The following ST7L variants were observed in gnomAD, a reference collection of about 807,000 sequenced individuals.
The protein encoded by ST7L is suppressor of tumorigenicity 7 protein-like.
A neutral mutation model predicts 72.5 loss-of-function variants in ST7L; 57 were observed. The ratio of observed to expected loss-of-function variants is 0.79; its 90% CI spans 0.64 to 0.98. The LOEUF is 0.98. Ranked by LOEUF, ST7L falls within the 50% of genes least tolerant of loss-of-function variation. The pLI is 0.00. For missense variants in ST7L, 576 were observed against 672.2 expected, an observed-to-expected ratio of 0.86 and a Z score of 1.58; for synonymous variants, 221 against 240.9, an observed-to-expected ratio of 0.92 and a Z score of 0.77.
At chr1:112,554,124 C>T (rs6537744) in intron 12 of ST7L, among the ~76,000 whole-genome samples, 5 of 151,998 alleles carry the variant, frequency 3.3e-5, no homozygotes, top group African/African-American at 2.4e-5. Context: ...GGAACTGAGG[C>T]GGGTTAACCA....
At chr1:112,540,109 A>G in intron 14 of ST7L, 6 of 985,430 alleles carry the variant, frequency 6.1e-6, no homozygotes, top group Non-Finnish European at 7.2e-6. Flanking sequence ...GTAAAGGCAG[A>G]CACTATAAAC....
At chr1:112,604,758 T>A (rs1401069932) in intron 3 of ST7L, among the ~76,000 whole-genome samples, 1 of 110,676 alleles carries the variant, frequency 9.0e-6, no homozygotes, top group Non-Finnish European at 1.7e-5. Context: ...GGCAACATAG[T>A]GAGGCCTTGT....
At chr1:112,569,697 G>A (rs897900302) in intron 11 of ST7L, among the ~76,000 whole-genome samples, 7 of 152,164 alleles carry the variant, frequency 4.6e-5, no homozygotes, top group African/African-American at 1.7e-4. Flanking sequence ...AGTGGCTTAC[G>A]CCTGTAATCC....
At chr1:112,551,713 T>C (rs1341967523) in intron 12 of ST7L, among the ~76,000 whole-genome samples, 1 of 152,182 alleles carries the variant, frequency 6.6e-6, no homozygotes, top group East Asian at 1.9e-4. Context: ...CTCCTGTGGA[T>C]TTATTAAAGA....
chr1:112,535,394 T>TAAG lies in ST7L; in HGVS notation c.1629+6554_1629+6556dup, dbSNP rs369981750. 1.7e-3 allele frequency among the ~76,000 whole-genome samples: 257 copies of TAAG among 149,208 alleles called. 3 individuals are homozygous for TAAG. Among genetic ancestry groups the TAAG allele is most frequent in the South Asian group, 0.013 (61 of 4,646 alleles). On this transcript the variant is annotated intron_variant, in intron 14 of 14. Transcript: ENST00000358039. The stretch of plus-strand genomic sequence containing the variant: ...CTCCAAATAATAATACTAATAATAA[T>TAAG]AAGAAGAAGAAGAAGAAGAAGAAGA...
intron 12 of ST7L, among the ~76,000 whole-genome samples, chr1:112,551,620 T>C (rs1041496298): frequency 2.1e-5 from 2 of 93,614 alleles, no homozygotes; most frequent in Non-Finnish European, 5.3e-5. Context: ...TGAAAAAAAC[T>C]GTATGGCCCA....
downstream of ST7L, among the ~76,000 whole-genome samples, chr1:112,519,872 C>CTTTTT (rs71081244): frequency 2.7e-4 from 31 of 115,620 alleles, no homozygotes; most frequent in East Asian, 5.3e-4. Flanking sequence ...GCCCATGCTT[C>CTTTTT]TTTTTTTTTT....
chr1:112,565,189 C>T (rs991310920), intron 11 of ST7L, among the ~76,000 whole-genome samples: 8 of 146,464 alleles, frequency 5.5e-5, no homozygotes, highest in East Asian at 4.1e-4. Flanking sequence ...GGATTACAGG[C>T]GCCCACCACC....
At chr1:112,569,442 C>T (rs1661674986) in intron 11 of ST7L, among the ~76,000 whole-genome samples, 1 of 152,100 alleles carries the variant, frequency 6.6e-6, no homozygotes, top group Non-Finnish European at 1.5e-5. Context: ...CACAAAAGGC[C>T]ACTATTATAC....
At chr1:112,599,073 A>AAT (rs71084479) in intron 4 of ST7L, among the ~76,000 whole-genome samples, 25 of 56,992 alleles carry the variant, frequency 4.4e-4, no homozygotes, top group Middle Eastern at 0.014. Context: ...AAAAAAAAAA[A>AAT]ATATATATAT....
intron 13 of ST7L, among the ~76,000 whole-genome samples, chr1:112,543,449 T>A (rs1182700908): frequency 1.3e-5 from 2 of 152,126 alleles, no homozygotes; most frequent in Non-Finnish European, 2.9e-5. Flanking sequence ...TCAGGAAGGC[T>A]GAGCAGGAAA....
the ST7L span, chr1:112,518,417 C>T: frequency 6.6e-6 from 1 of 152,210 alleles, no homozygotes; most frequent in Non-Finnish European, 1.5e-5. Context: ...ACTGTCATTC[C>T]TGGAAGAGTC....
At chr1:112,605,171 C>G (rs1489437795) in intron 3 of ST7L, among the ~76,000 whole-genome samples, 2 of 150,968 alleles carry the variant, frequency 1.3e-5, no homozygotes, top group Non-Finnish European at 2.9e-5. Flanking sequence ...GCGGGTGGAT[C>G]AAGAGATGAG....
chr1:112,558,165 A>G (rs1035195997), intron 11 of ST7L, among the ~76,000 whole-genome samples: 1 of 152,222 alleles, frequency 6.6e-6, no homozygotes, highest in African/African-American at 2.4e-5. Context: ...AAACAATTTG[A>G]TATCAAATTA....
upstream of ST7L, chr1:112,619,144 G>A: frequency 6.2e-7 from 1 of 1,606,372 alleles, no homozygotes; most frequent in Non-Finnish European, 8.5e-7. Flanking sequence ...CAGGAGCTGG[G>A]AGGGGAGAAG....
chr1:112,583,427 C>T (rs1221572528), intron 7 of ST7L, among the ~76,000 whole-genome samples: 1 of 152,150 alleles, frequency 6.6e-6, no homozygotes, highest in African/African-American at 2.4e-5. Context: ...GTTGCTATGG[C>T]TCATCTGATC....
At chr1:112,613,615 T>C (rs1212648657) in intron 2 of ST7L, among the ~76,000 whole-genome samples, 1 of 152,186 alleles carries the variant, frequency 6.6e-6, no homozygotes, top group Non-Finnish European at 1.5e-5. Flanking sequence ...CCCATCAACA[T>C]TGCAAGGGTA....
chr1:112,527,308 G>T (rs141777841), intron 14 of ST7L: 16 of 152,478 alleles, frequency 1.0e-4, no homozygotes, highest in African/African-American at 3.8e-4. Context: ...CATGAAAACA[G>T]TCTACCTATA....
chr1:112,619,326 G>C (rs1242358522), upstream of ST7L: 1 of 605,450 alleles, frequency 1.7e-6, no homozygotes, highest in African/African-American at 1.9e-5. Flanking sequence ...GGACAGCAGC[G>C]CCTATTCTGG....
Sources: allele counts gnomAD v4.1 joint callset (sites outside exome capture counted in the v4.1 genomes callset), GRCh38; gene constraint gnomAD v4.1.1; transcripts MANE v1.5; gene names NCBI Gene and HGNC (gene_info 2026-07-23, HGNC 2026-07-21).